PUS7: variants seen among roughly 807,000 people sequenced by gnomAD.
The protein encoded by PUS7 is pseudouridylate synthase 7 homolog.
In PUS7, 48 loss-of-function variants were observed where a neutral mutation model predicts 79.8. The ratio of observed to expected loss-of-function variants is 0.60; its 90% CI spans 0.48 to 0.76. The LOEUF is 0.76. Ranked by LOEUF, PUS7 falls within the 30% of genes least tolerant of loss-of-function variation. PUS7 has a pLI of 0.00. For synonymous variants in PUS7, 286 were observed against 272.2 expected (o/e 1.05, Z -0.50); for missense variants, 729 against 797.6 (o/e 0.91, Z 1.04).
intron 7 of PUS7, among the ~76,000 whole-genome samples, chr7:105,484,558 C>G (rs1824464896): frequency 6.6e-6 from 1 of 151,288 alleles, no homozygotes. Context: ...GTGCTTCATG[C>G]CTGTAATCCC....
At chr7:105,514,723 A>T (rs1825827134) in intron 1 of PUS7, among the ~76,000 whole-genome samples, 2 of 152,126 alleles carry the variant, frequency 1.3e-5, no homozygotes, top group African/African-American at 4.8e-5. Context: ...TATGGTTACA[A>T]TTTGTTTTTC....
chr7:105,512,781 G>C (rs698191), intron 1 of PUS7, among the ~76,000 whole-genome samples: 19,406 of 152,192 alleles, frequency 0.13, 1,710 homozygotes, highest in African/African-American at 0.25. Flanking sequence ...AGAGAAACTG[G>C]GGTTAGGCTG....
intron 14 of PUS7, 146 bp downstream of exon 14, chr7:105,462,475 G>A (rs1823472438): frequency 6.8e-6 from 6 of 875,916 alleles, no homozygotes; most frequent in Non-Finnish European, 1.0e-5. Flanking sequence ...AAAATATGGT[G>A]TTATAATCTT....
intron 1 of PUS7, among the ~76,000 whole-genome samples, chr7:105,516,982 AT>A (rs1487386333): frequency 1.3e-5 from 2 of 152,108 alleles, no homozygotes; most frequent in African/African-American, 2.4e-5. Context: ...AGTTTTATGC[AT>A]TTTTTGACAT....
chr7:105,467,034 G>GTTTTTTTTTTTTTTTTTTTTTT (rs56177512), intron 12 of PUS7, among the ~76,000 whole-genome samples: 1 of 70,698 alleles, frequency 1.4e-5, no homozygotes, highest in Non-Finnish European at 2.7e-5. Context: ...AGTTTTTTCT[G>GTTTTTTTTTTTTTTTTTTTTTT]TTTTTTTTTT....
intron 4 of PUS7, among the ~76,000 whole-genome samples, chr7:105,504,357 C>G (rs562760414): frequency 1.2e-4 from 18 of 152,054 alleles, no homozygotes; most frequent in African/African-American, 4.3e-4. Flanking sequence ...AGGTGTGAGC[C>G]ACTGCGCCCA....
In PUS7 at chr7:105,457,194, C is replaced by T. The variant is rs752842072; in HGVS notation, c.*596G>A. The T allele has an allele frequency of 2.6e-5, 4 of 152,082 alleles. No homozygotes were observed. The highest frequency in any genetic ancestry group is 6.6e-5 in the Admixed American group (1 of 15,240). The allele number at this position is 152,082 out of a possible 1,614,324, so 9.4% of individuals were successfully genotyped here. ...CTATCAATGCAACGTTCCTGCAAGG[C>T]ATTGATAATATAAATGCAAAAGCCA... On this transcript the variant is annotated 3_prime_UTR_variant, in exon 16 of 16. Coordinates refer to ENST00000469408, the MANE Select transcript of PUS7 (RefSeq NM_019042.5).
intron 4 of PUS7, among the ~76,000 whole-genome samples, chr7:105,504,226 C>T (rs1392775933): frequency 5.1e-5 from 7 of 136,104 alleles, no homozygotes; most frequent in African/African-American, 1.6e-4. Context: ...CCCGCCACCA[C>T]GCCCAGCTAA....
chr7:105,502,368 G>T, intron 5 of PUS7, 52 bp downstream of exon 5: 1 of 1,607,394 alleles, frequency 6.2e-7, no homozygotes, highest in Non-Finnish European at 8.5e-7. Context: ...CGAGGAGCGG[G>T]GCCTGCCGCT....
rs527820978 is a variant in PUS7 at position 105,502,577 on chromosome 7, A to C, written c.586-13T>G. ...TGTCCTCGATAACCTATTAAAAAAAACAGATAGCAATACCACCAAGTTAAC... is the reference window on the plus strand; with the variant it reads ...TGTCCTCGATAACCTATTAAAAAAACCAGATAGCAATACCACCAAGTTAAC... On this transcript the variant is annotated splice_polypyrimidine_tract_variant and intron_variant, in intron 4 of 15. Transcript: ENST00000469408. The C allele has an allele frequency of 6.2e-7, 1 of 1,612,632 alleles. No homozygotes were observed. Among genetic ancestry groups the C allele is most frequent in the African/African-American group, 1.3e-5 (1 of 74,920 alleles).
intron 13 of PUS7, 74 bp from the exon 14 acceptor site, chr7:105,462,824 A>C: frequency 2.9e-6 from 4 of 1,400,736 alleles, no homozygotes; most frequent in Non-Finnish European, 3.9e-6. Flanking sequence ...TTATAAAGAG[A>C]GTAACAATGT....
chr7:105,469,377 G>A (rs999715444), intron 11 of PUS7, among the ~76,000 whole-genome samples: 4 of 151,312 alleles, frequency 2.6e-5, no homozygotes, highest in African/African-American at 4.9e-5. Context: ...TGCAACTTCC[G>A]CCTCCCAGGT....
chr7:105,460,817 G>A (rs1007873362), intron 14 of PUS7, among the ~76,000 whole-genome samples: 2 of 120,992 alleles, frequency 1.7e-5, no homozygotes, highest in Non-Finnish European at 3.2e-5. Context: ...TCGCGCCACT[G>A]CACTCCAGCC....
At chr7:105,470,400 G>A (rs377032932) in intron 11 of PUS7, 33 of 257,210 alleles carry the variant, frequency 1.3e-4, no homozygotes, top group African/African-American at 7.1e-4. Context: ...CAATAGATTC[G>A]AAATTTCTCA....
At chr7:105,511,651 C>T (rs994542118) in intron 1 of PUS7, among the ~76,000 whole-genome samples, 8 of 151,688 alleles carry the variant, frequency 5.3e-5, no homozygotes, top group African/African-American at 1.2e-4. Flanking sequence ...ATCTCAGCTG[C>T]TTGAGAGGCT....
At chr7:105,490,964 CA>C (rs1312980672) in intron 7 of PUS7, among the ~76,000 whole-genome samples, 4 of 152,206 alleles carry the variant, frequency 2.6e-5, no homozygotes, top group African/African-American at 9.6e-5. Flanking sequence ...GTCCCTACAA[CA>C]AAGAATTATC....
intron 5 of PUS7, among the ~76,000 whole-genome samples, chr7:105,499,313 G>A (rs1825157319): frequency 6.6e-6 from 1 of 152,152 alleles, no homozygotes; most frequent in African/African-American, 2.4e-5. Context: ...CTTTCCCAGA[G>A]AGCTTCTTTG....
intron 6 of PUS7, 54 bp from the exon 7 acceptor site, chr7:105,491,671 A>AAATCCT (rs1824786382): frequency 1.9e-6 from 2 of 1,029,002 alleles, no homozygotes; most frequent in Non-Finnish European, 1.5e-6. Flanking sequence ...TATTATAAGG[A>AAATCCT]AATCCTAATT....
intron 14 of PUS7, among the ~76,000 whole-genome samples, chr7:105,460,782 A>G (rs1478928595): frequency 7.8e-6 from 1 of 128,828 alleles, no homozygotes; most frequent in Non-Finnish European, 1.6e-5. Flanking sequence ...CGAACCCGGG[A>G]GGCGGAGCTT....
Sources: gnomAD v4.1 joint callset for allele counts (sites outside exome capture counted in the v4.1 genomes callset) on GRCh38, gnomAD v4.1.1 for gene constraint, MANE v1.5 for transcripts, NCBI Gene and HGNC (gene_info 2026-07-23, HGNC 2026-07-21) for gene names.